Variants in IDE observed in about 807,000 individuals in gnomAD.
IDE encodes the protein insulin-degrading enzyme.
In IDE, 58 loss-of-function variants were observed where a neutral mutation model predicts 133.2. The observed-to-expected ratio is 0.44, with a 90% confidence interval of 0.35 to 0.54. IDE has a LOEUF of 0.54. Among genes scored for constraint, IDE ranks in the 20% least tolerant of loss-of-function variants. The pLI is 0.00. For missense variants in IDE, 981 were observed against 1,234.0 expected (o/e 0.79, Z 3.07); for synonymous variants, 396 against 421.3 (o/e 0.94, Z 0.73).
chr10:92,536,009 C>T (rs1841979198), intron 2 of IDE, among the ~76,000 whole-genome samples: 1 of 151,650 alleles, frequency 6.6e-6, no homozygotes, highest in Non-Finnish European at 1.5e-5. Context: ...GCACTCCAGC[C>T]TCGGCAACAG....
Position 92,508,171 on chromosome 10 carries a change from T to C in IDE, c.1095A>G (p.Glu365=), listed in dbSNP as rs1230391406. Residue 365 remains glutamate (E), a synonymous_variant, in exon 8 of 25, where the codon GAA becomes GAG. Transcript: ENST00000265986. ...WVNTLVGGQK[E]GARGFMFFII... is the part of the protein sequence containing the mutation. ...TAAAAAACATAAAACCTCGGGCTCC[T>C]TCCTTCTGCCCACCAACAAGAGTAT... The C allele has an allele frequency of 1.9e-6, 3 of 1,613,922 alleles. No homozygotes were observed. Among genetic ancestry groups the C allele is most frequent in the Non-Finnish European group, 2.5e-6 (3 of 1,179,930 alleles).
At chr10:92,567,419 CAT>C (rs1293166902) in intron 1 of IDE, among the ~76,000 whole-genome samples, 1 of 152,202 alleles carries the variant, frequency 6.6e-6, no homozygotes, top group African/African-American at 2.4e-5. Context: ...CCTTCTTGCA[CAT>C]GTCTTCTGCA....
At chr10:92,568,446 C>T (rs1843650073) in intron 1 of IDE, among the ~76,000 whole-genome samples, 1 of 152,138 alleles carries the variant, frequency 6.6e-6, no homozygotes, top group Non-Finnish European at 1.5e-5. Flanking sequence ...AACAATAAAA[C>T]TAAACAATAT....
chr10:92,510,843 A>G (rs1207928602), intron 5 of IDE, among the ~76,000 whole-genome samples: 2 of 151,016 alleles, frequency 1.3e-5, no homozygotes, highest in African/African-American at 4.8e-5. Flanking sequence ...TACATATCAC[A>G]CATATGATAT....
At chr10:92,477,375 C>T (rs1462003584) in intron 15 of IDE, among the ~76,000 whole-genome samples, 5 of 151,282 alleles carry the variant, frequency 3.3e-5, no homozygotes, top group African/African-American at 7.3e-5. Flanking sequence ...AGGCTGGTCT[C>T]GAACTCCTGA....
At chr10:92,540,560 A>G (rs572091620) in intron 1 of IDE, among the ~76,000 whole-genome samples, 3 of 152,224 alleles carry the variant, frequency 2.0e-5, no homozygotes, top group African/African-American at 7.2e-5. Context: ...GGGAGAAAAG[A>G]GGTTGGTCTT....
intron 20 of IDE, among the ~76,000 whole-genome samples, chr10:92,464,804 G>A (rs537877544): frequency 2.6e-5 from 4 of 152,230 alleles, no homozygotes; most frequent in African/African-American, 9.6e-5. Context: ...TGAGTAGCTG[G>A]GATTACAGGC....
intron 1 of IDE, among the ~76,000 whole-genome samples, chr10:92,569,716 A>G (rs960462018): frequency 6.6e-5 from 10 of 152,230 alleles, no homozygotes; most frequent in Non-Finnish European, 1.0e-4. Context: ...AAAAAAGACC[A>G]TTAATCAATT....
At chr10:92,490,677 A>G in intron 11 of IDE, 82 bp from the exon 12 acceptor site, 1 of 829,656 alleles carries the variant, frequency 1.2e-6, no homozygotes, top group Non-Finnish European at 2.0e-6. Flanking sequence ...TCAGGACAAT[A>G]TAAACAATAT....
chr10:92,475,923 A>T lies in IDE; in HGVS notation c.1956T>A (p.Phe652Leu). 1 of 1,536,190 alleles carries T rather than the reference A, an allele frequency of 6.5e-7. No individual in the cohort carries two copies. Among genetic ancestry groups the T allele is most frequent in the Non-Finnish European group, 8.9e-7 (1 of 1,122,100 alleles). The change falls in exon 16 of 25, where the codon TTT becomes TTA. Residue 652 changes from phenylalanine to leucine, a missense_variant. Physicochemically the swap from Phe to Leu is conservative, Grantham distance 22 (BLOSUM62 0). This residue lies in a region of IDE where 660 missense variants were observed against 894.7 expected (regional missense o/e 0.74). Transcript: ENST00000265986. Reference protein sequence around the residue: ...LKKIIEKMATFEIDEKRFEII... With the variant: ...LKKIIEKMATLEIDEKRFEII... The stretch of plus-strand genomic sequence containing the variant: ...TTTCAAATCTTTTTTCATCAATCTC[A>T]AAGGTAGCCATTTTCTCAATAATCT...
intron 11 of IDE, among the ~76,000 whole-genome samples, chr10:92,493,914 T>C (rs1222848171): frequency 6.6e-6 from 1 of 152,134 alleles, no homozygotes; most frequent in Non-Finnish European, 1.5e-5. Context: ...TAGATACCTA[T>C]GAACCAGAGT....
At chr10:92,477,319 T>C (rs1846320712) in intron 15 of IDE, among the ~76,000 whole-genome samples, 2 of 152,172 alleles carry the variant, frequency 1.3e-5, no homozygotes, top group Middle Eastern at 3.4e-3. Flanking sequence ...GTCTGGCTAA[T>C]TTTTTGTATT....
Position 92,454,309 on chromosome 10 carries a change from T to A in IDE, c.*135A>T. 1.6e-6 allele frequency: 1 copy of A among 622,016 alleles called. No homozygotes were observed. The highest frequency in any genetic ancestry group is 2.9e-6 in the Non-Finnish European group (1 of 342,048). 38.5% of individuals were successfully genotyped at this position (622,016 alleles called of 1,614,324 possible). ...ACTTTGGATTTATAATATTTCTACA[T>A]AATGACATTTGACAATTTTTTGTTT... On this transcript the variant is annotated 3_prime_UTR_variant, in exon 25 of 25. Coordinates refer to ENST00000265986, the MANE Select transcript of IDE (RefSeq NM_004969.4).
At chr10:92,464,780 C>T (rs1361708987) in intron 20 of IDE, among the ~76,000 whole-genome samples, 4 of 152,190 alleles carry the variant, frequency 2.6e-5, no homozygotes, top group Non-Finnish European at 5.9e-5. Flanking sequence ...AAGTGATTCT[C>T]TGCCTCAGCC....
rs12243622 is a variant in IDE, at chr10:92,469,068, T to C, written c.2209-78A>G. 15,081 of 814,246 alleles carry C rather than the reference T, an allele frequency of 0.019. 1,547 individuals are homozygous for C. The African/African-American group carries it at 0.22, about 12-fold the overall frequency. 50.4% of individuals were successfully genotyped at this position (814,246 alleles called of 1,614,324 possible). On this transcript the variant is annotated intron_variant, in intron 18 of 24. Coordinates refer to ENST00000265986, the MANE Select transcript of IDE (RefSeq NM_004969.4). The stretch of plus-strand genomic sequence containing the variant: ...TTGTGAAATAAACTGGCTTTGTTTA[T>C]CATAAAAGTGGATTCTAAAACCTTA...
intron 1 of IDE, among the ~76,000 whole-genome samples, chr10:92,549,884 C>A (rs2135751797): frequency 6.6e-6 from 1 of 152,238 alleles, no homozygotes; most frequent in East Asian, 1.9e-4. Context: ...AATGACCATG[C>A]TGTTTAACAC....
At chr10:92,573,856 G>T in intron 1 of IDE, 66 bp downstream of exon 1, 1 of 1,137,856 alleles carries the variant, frequency 8.8e-7, no homozygotes, top group Non-Finnish European at 1.2e-6. Context: ...TCACCACTTT[G>T]CAACCCGAGC....
chr10:92,532,261 A>G (rs560973908), intron 3 of IDE, among the ~76,000 whole-genome samples: 87 of 147,408 alleles, frequency 5.9e-4, no homozygotes, highest in African/African-American at 2.2e-3. Context: ...CATGTGGCTA[A>G]TGCTCCAAAA....
At chr10:92,491,667 A>G (rs553838991) in intron 11 of IDE, among the ~76,000 whole-genome samples, 1 of 151,200 alleles carries the variant, frequency 6.6e-6, no homozygotes, top group East Asian at 2.0e-4. Flanking sequence ...CTGGAGTGCA[A>G]TGGTGCGATC....
Sources: gnomAD v4.1 joint callset for allele counts (sites outside exome capture counted in the v4.1 genomes callset) on GRCh38, gnomAD v4.1.1 for gene constraint, gnomAD v4.1.1 regional missense constraint, MANE v1.5 for transcripts, NCBI Gene and HGNC (gene_info 2026-07-23, HGNC 2026-07-21) for gene names.